The following IPCEF1 variants were observed in gnomAD, a reference collection of about 807,000 sequenced individuals.
The protein encoded by IPCEF1 is interactor protein for cytohesin exchange factors 1.
In IPCEF1, 31 loss-of-function variants were observed where a neutral mutation model predicts 50.9. That is an observed-to-expected ratio of 0.61 (90% CI 0.46 to 0.82). The LOEUF is 0.82. Among genes scored for constraint, IPCEF1 ranks in the 40% least tolerant of loss-of-function variants. The pLI is 0.00. For synonymous variants in IPCEF1, 181 were observed against 192.0 expected, an observed-to-expected ratio of 0.94 and a Z score of 0.47; for missense variants, 458 against 514.0, an observed-to-expected ratio of 0.89 and a Z score of 1.05.
At chr6:154,199,119 T>A (rs561238703) in intron 10 of IPCEF1, among the ~76,000 whole-genome samples, 1 of 152,252 alleles carries the variant, frequency 6.6e-6, no homozygotes, top group Non-Finnish European at 1.5e-5. Context: ...TCTGAACGCA[T>A]GAGTTGTGCT....
intron 1 of IPCEF1, among the ~76,000 whole-genome samples, chr6:154,348,384 T>C (rs562704467): frequency 9.8e-5 from 15 of 152,288 alleles, no homozygotes; most frequent in African/African-American, 3.4e-4. Flanking sequence ...GAGTTCAAGT[T>C]CAGGCACTTC....
At chr6:154,179,266 C>T (rs142915979) in intron 10 of IPCEF1, among the ~76,000 whole-genome samples, 1 of 152,144 alleles carries the variant, frequency 6.6e-6, no homozygotes, top group Admixed American at 6.5e-5. Flanking sequence ...CTACAGCAGG[C>T]TTGTCAAACC....
intron 11 of IPCEF1, among the ~76,000 whole-genome samples, chr6:154,162,707 A>G (rs1399945441): frequency 3.5e-5 from 5 of 144,808 alleles, no homozygotes; most frequent in Admixed American, 1.4e-4. Context: ...TGCTCTATCT[A>G]TGTTCATGCT....
At chr6:154,171,366 C>T (rs1799854704) in intron 10 of IPCEF1, among the ~76,000 whole-genome samples, 1 of 152,118 alleles carries the variant, frequency 6.6e-6, no homozygotes, top group Non-Finnish European at 1.5e-5. Flanking sequence ...AAGCCAGTCA[C>T]AAACAACCAC....
At position 154,269,285 on chromosome 6, in the gene IPCEF1, T is replaced by C. The variant is rs140049218; in HGVS notation, c.-17-3321A>G. 1.6e-4 allele frequency among the ~76,000 whole-genome samples: 24 copies of C among 152,294 alleles called. No individual in the cohort carries two copies. In the East Asian group the frequency reaches 4.6e-3, roughly 29 times the overall value. On this transcript the variant is annotated intron_variant, in intron 2 of 11. Coordinates refer to ENST00000367220, the MANE Select transcript of IPCEF1 (RefSeq NM_001130700.2). ...AAGCTCCTTCCCAATCTGCAGGATA[T>C]GGAAATGAGATGATGTTGATATCAT...
intron 1 of IPCEF1, among the ~76,000 whole-genome samples, chr6:154,311,798 G>A (rs1278456299): frequency 1.3e-5 from 2 of 152,180 alleles, no homozygotes; most frequent in African/African-American, 2.4e-5. Flanking sequence ...GATAACAAGT[G>A]TTGGTGAAGA....
At chr6:154,223,734 ACTTAAATGAG>A (rs1185414368) in intron 5 of IPCEF1, among the ~76,000 whole-genome samples, 1 of 152,214 alleles carries the variant, frequency 6.6e-6, no homozygotes, top group African/African-American at 2.4e-5. Flanking sequence ...GGTTGTTGTG[ACTTAAATGAG>A]CTCAGATAAA....
At chr6:154,209,684 T>A (rs1668595919) in intron 9 of IPCEF1, among the ~76,000 whole-genome samples, 1 of 152,016 alleles carries the variant, frequency 6.6e-6, no homozygotes, top group Non-Finnish European at 1.5e-5. Flanking sequence ...TTTTTTTATT[T>A]CATCTGTTTA....
At chr6:154,247,136 C>G in intron 4 of IPCEF1, 1 of 423,068 alleles carries the variant, frequency 2.4e-6, no homozygotes, top group East Asian at 3.7e-5. Flanking sequence ...AACATAGCTC[C>G]TCTCAACAAT....
At chr6:154,258,041 C>T (rs1781506038) in intron 3 of IPCEF1, among the ~76,000 whole-genome samples, 2 of 152,132 alleles carry the variant, frequency 1.3e-5, no homozygotes, top group South Asian at 4.1e-4. Context: ...GACACTTAAA[C>T]AGCTCCTTGC....
intron 1 of IPCEF1, among the ~76,000 whole-genome samples, chr6:154,351,471 G>T (rs983102858): frequency 1.3e-5 from 2 of 152,268 alleles, no homozygotes; most frequent in East Asian, 3.9e-4. Context: ...CTGGAAAAAA[G>T]AACAACTCCT....
chr6:154,180,405 TA>T lies in IPCEF1; in HGVS notation c.911-12293del, dbSNP rs1562526650. On this transcript the variant is annotated intron_variant, in intron 10 of 11. Transcript: ENST00000367220. Reference sequence around the variant, plus strand: ...CAACAACTATATATATATATATATATATATATATATTTTTTTTTTAAACATG... The same window carrying T: ...CAACAACTATATATATATATATATATTATATATATTTTTTTTTTAAACATG... Among the ~76,000 whole-genome samples, 161 of 41,988 alleles carry T rather than the reference TA, an allele frequency of 3.8e-3. 1 individual carries two copies. The highest frequency in any genetic ancestry group is 0.011 in the African/African-American group (154 of 13,718). The allele number at this position is 41,988 out of a possible 152,430, so 27.5% of individuals were successfully genotyped here.
chr6:154,338,806 C>T (rs141828904), intron 1 of IPCEF1, among the ~76,000 whole-genome samples: 7 of 152,154 alleles, frequency 4.6e-5, no homozygotes, highest in African/African-American at 1.4e-4. Flanking sequence ...CCTGTGGTCC[C>T]AGCTACTCAG....
intron 7 of IPCEF1, among the ~76,000 whole-genome samples, chr6:154,218,070 C>A (rs1778554130): frequency 1.3e-5 from 2 of 152,188 alleles, no homozygotes; most frequent in Admixed American, 6.5e-5. Context: ...GCTTAGAGTA[C>A]CTTCTTTGCT....
At position 154,247,522 on chromosome 6, in the gene IPCEF1, T is replaced by A. The variant is rs190651957; in HGVS notation, c.37-34A>T. 6.9e-6 allele frequency: 11 copies of A among 1,596,372 alleles called. No individual in the cohort carries two copies. In the East Asian group the frequency reaches 2.0e-4, roughly 29 times the overall value. On this transcript the variant is annotated intron_variant, in intron 3 of 11. Transcript: ENST00000367220. Reference sequence around the variant, plus strand: ...GCAGGAAGGAAAGAAAAGAGGAAATTTCTGATTGTGTTGTAACATTTGTAA... The same window carrying A: ...GCAGGAAGGAAAGAAAAGAGGAAATATCTGATTGTGTTGTAACATTTGTAA...
At chr6:154,223,457 G>C (rs1314425762) in intron 5 of IPCEF1, among the ~76,000 whole-genome samples, 1 of 152,158 alleles carries the variant, frequency 6.6e-6, no homozygotes, top group African/African-American at 2.4e-5. Flanking sequence ...CTTTCCAAGA[G>C]AAGTGGCATG....
intron 9 of IPCEF1, among the ~76,000 whole-genome samples, chr6:154,207,237 G>A (rs1777576456): frequency 6.6e-6 from 1 of 152,224 alleles, no homozygotes. Flanking sequence ...ATGAAGATGA[G>A]CTGTTAAAGC....
chr6:154,338,507 G>T (rs1474555585), intron 1 of IPCEF1, among the ~76,000 whole-genome samples: 1 of 152,184 alleles, frequency 6.6e-6, no homozygotes, highest in African/African-American at 2.4e-5. Context: ...TCTTTAAATT[G>T]TTATGAGTTA....
chr6:154,273,704 T>TTCTTTTTTCTTTC (rs371410830), intron 2 of IPCEF1, among the ~76,000 whole-genome samples: 1 of 77,300 alleles, frequency 1.3e-5, no homozygotes, highest in Non-Finnish European at 2.6e-5. Context: ...TTTTTTCTTT[T>TTCTTTTTTCTTTC]TTTCTTTCTT....
Sources: gnomAD v4.1 joint callset for allele counts (sites outside exome capture counted in the v4.1 genomes callset) on GRCh38, gnomAD v4.1.1 for gene constraint, MANE v1.5 for transcripts, NCBI Gene and HGNC (gene_info 2026-07-23, HGNC 2026-07-21) for gene names.